The following SPATA33 variants were observed in gnomAD, a reference collection of about 807,000 sequenced individuals.
The protein encoded by SPATA33 is spermatogenesis-associated protein 33.
Under a neutral mutation model 8.9 loss-of-function variants are expected in SPATA33, and 10 were observed. That is an observed-to-expected ratio of 1.12 (90% CI 0.69 to 1.90). SPATA33 has a LOEUF of 1.90. Ranked by LOEUF, SPATA33 falls within the 40% of genes most tolerant of loss-of-function variation. SPATA33 has a pLI of 0.00. For missense variants in SPATA33, 241 were observed against 178.3 expected, an observed-to-expected ratio of 1.35 and a Z score of -2.00; for synonymous variants, 96 against 72.8, an observed-to-expected ratio of 1.32 and a Z score of -1.63.
At chr16:89,658,067 C>A (rs1403022131) in intron 1 of SPATA33, 119 bp downstream of exon 1, 5 of 1,464,926 alleles carry the variant, frequency 3.4e-6, no homozygotes, top group South Asian at 1.4e-5. Flanking sequence ...CGGTGCGAAC[C>A]GTTCCTGCCG....
In SPATA33 at chr16:89,658,065, A is replaced by G. The variant is rs1304503044; in HGVS notation, c.37+117A>G. ...AGGCGCCAGGCTCGGCCCGGTGCGA[A>G]CCGTTCCTGCCGCCGAGTCCGCCAC... On this transcript the variant is annotated intron_variant, in intron 1 of 2. Transcript: ENST00000579310. 8.9e-6 allele frequency: 13 copies of G among 1,464,074 alleles called. No individual in the cohort carries two copies. The African/African-American group carries it at 1.9e-4, about 21-fold the overall frequency. 90.7% of individuals were successfully genotyped at this position (1,464,074 alleles called of 1,614,324 possible).
At chr16:89,665,083 C>T (rs745459284) in intron 2 of SPATA33, among the ~76,000 whole-genome samples, 4 of 152,052 alleles carry the variant, frequency 2.6e-5, no homozygotes, top group African/African-American at 4.8e-5. Flanking sequence ...GCACTCTTGA[C>T]GTTCTGGGCT....
Position 89,669,476 on chromosome 16 carries a change from T to A in SPATA33, c.402T>A (p.Tyr134Ter). ...RHRNPSTADA[Y>*]NSHLKE ...GGAACCCCAGTACAGCAGACGCCTA[T>A]AATTCACATCTCAAAGAATAAACAA... The change falls in exon 3 of 3, where the codon TAT becomes TAA. Residue 134 changes from tyrosine to a stop codon, truncating the protein, a stop_gained. Transcript: ENST00000579310. LOFTEE classifies it high-confidence loss of function. 6.2e-7 allele frequency: 1 copy of A among 1,612,982 alleles called. No individual in the cohort carries two copies.
chr16:89,658,559 T>C (rs1294856944), intron 2 of SPATA33, 138 bp downstream of exon 2: 4 of 1,190,874 alleles, frequency 3.4e-6, no homozygotes, highest in Non-Finnish European at 4.6e-6. Flanking sequence ...TGGTTTGTTT[T>C]GGGAACTTTA....
chr16:89,661,265 G>C, intron 2 of SPATA33: 1 of 940,426 alleles, frequency 1.1e-6, no homozygotes, highest in Middle Eastern at 5.4e-4. Context: ...ACATGTGGGA[G>C]GAACTGGGTG....
intron 2 of SPATA33, chr16:89,667,888 C>T (rs1359533649): frequency 4.6e-5 from 7 of 152,282 alleles, no homozygotes; most frequent in Admixed American, 6.5e-5. Flanking sequence ...GTTTGACTAG[C>T]CTTGGGCAGA....
Position 89,658,269 on chromosome 16 carries a change from C to A in SPATA33, c.59C>A (p.Ser20Tyr), listed in dbSNP as rs141575450. ...TCAGGTGAGGAGCAAAAGAAGGGAT[C>A]CACCTATTCAGTTCCAAAATCTAAG... ...PRKGEEQKKG[S>Y]TYSVPKSKEK... The change falls in exon 2 of 3, where the codon TCC becomes TAC. Residue 20 changes from serine to tyrosine, a missense_variant. Physicochemically the swap from Ser to Tyr is moderately radical, Grantham distance 144. Coordinates refer to ENST00000579310, the MANE Select transcript of SPATA33 (RefSeq NM_001271907.2). 4 of 1,614,194 alleles carry A rather than the reference C, an allele frequency of 2.5e-6. No individual in the cohort carries two copies. The highest frequency in any genetic ancestry group is 3.4e-6 in the Non-Finnish European group (4 of 1,180,036).
intron 2 of SPATA33, among the ~76,000 whole-genome samples, chr16:89,668,590 C>T (rs1005200123): frequency 3.3e-5 from 5 of 150,980 alleles, no homozygotes; most frequent in Non-Finnish European, 7.4e-5. Flanking sequence ...GGCGGCTGTG[C>T]CCGAGCTCGT....
chr16:89,658,440 G>A lies in SPATA33; in HGVS notation c.211+19G>A. On this transcript the variant is annotated intron_variant, in intron 2 of 2. Coordinates refer to ENST00000579310, the MANE Select transcript of SPATA33 (RefSeq NM_001271907.2). Reference sequence around the variant, plus strand: ...CTGGAAGGTAGGAGACGGCGGGAGGGAGCGAAGCGAGGTCAGTGGCTTGGA... The same window carrying A: ...CTGGAAGGTAGGAGACGGCGGGAGGAAGCGAAGCGAGGTCAGTGGCTTGGA... 1.9e-6 allele frequency: 3 copies of A among 1,582,448 alleles called. No homozygotes were observed. Among genetic ancestry groups the A allele is most frequent in the South Asian group, 2.3e-5 (2 of 88,100 alleles).
intron 2 of SPATA33, chr16:89,661,005 G>C: frequency 3.0e-6 from 3 of 992,470 alleles, no homozygotes; most frequent in Non-Finnish European, 3.6e-6. Flanking sequence ...GTCTTCACAT[G>C]CCTCCAACTG....
chr16:89,669,204 T>A, intron 2 of SPATA33, 82 bp from the exon 3 acceptor site: 5 of 1,319,426 alleles, frequency 3.8e-6, no homozygotes, highest in Non-Finnish European at 4.4e-6. Context: ...ATTCCTTTAC[T>A]CTGACCAATG....
At chr16:89,659,282 A>C (rs1937022809) in intron 2 of SPATA33, 1 of 152,270 alleles carries the variant, frequency 6.6e-6, no homozygotes, top group East Asian at 1.9e-4. Context: ...TTGCAGTAGG[A>C]ATTGCAGAAG....
chr16:89,660,276 AG>A, intron 2 of SPATA33: 1 of 383,954 alleles, frequency 2.6e-6, no homozygotes, highest in Non-Finnish European at 4.6e-6. Flanking sequence ...TTTCCCAGGA[AG>A]GCTTCGCCTG....
rs749348730 is a variant in SPATA33, at chr16:89,669,528, C to G, written c.*31C>G. On this transcript the variant is annotated 3_prime_UTR_variant, in exon 3 of 3. Transcript: ENST00000579310. ...CACCTTTGCATGGCACTCGCTACTC[C>G]CTGCGATAGGCGTCTCGGGAACAGC... The G allele has an allele frequency of 7.5e-6, 12 of 1,600,396 alleles. No homozygotes were observed. Among genetic ancestry groups the G allele is most frequent in the Admixed American group, 1.7e-5 (1 of 59,704 alleles).
At chr16:89,660,185 G>C (rs71396951) in intron 2 of SPATA33, 11,808 of 230,974 alleles carry the variant, frequency 0.051, 407 homozygotes, top group Non-Finnish European at 0.073. Context: ...AGCCCCCGAT[G>C]AGTGTACAGC....
chr16:89,661,717 G>GA (rs914982406), intron 2 of SPATA33, among the ~76,000 whole-genome samples: 4 of 151,718 alleles, frequency 2.6e-5, no homozygotes, highest in East Asian at 1.9e-4. Flanking sequence ...TAAAGAACTT[G>GA]AAAAAAAAGG....
intron 2 of SPATA33, among the ~76,000 whole-genome samples, chr16:89,667,428 G>A (rs1488689508): frequency 6.6e-6 from 1 of 152,146 alleles, no homozygotes; most frequent in Non-Finnish European, 1.5e-5. Flanking sequence ...CTGTGATCTA[G>A]ATCTAGTATA....
rs200969086 is a variant in SPATA33 at position 89,669,365 on chromosome 16, G to C, written c.291G>C (p.Glu97Asp). Residue 97 changes from glutamate to aspartate, a missense_variant, in exon 3 of 3, where the codon GAG (glutamate) becomes GAC (aspartate). Transcript: ENST00000579310. ...TCATCATCACGCGAGCGTCGAATGA[G>C]ACGCTAGTCAGTTGCAGTTCCAGCG... The part of the protein sequence containing the change: ...PQIIITRASN[E>D]TLVSCSSSGS... The C allele has an allele frequency of 1.4e-5, 22 of 1,614,078 alleles. No homozygotes were observed. In the African/African-American group the frequency reaches 2.9e-4, roughly 22 times the overall value.
intron 2 of SPATA33, among the ~76,000 whole-genome samples, chr16:89,663,165 C>T (rs1197258356): frequency 2.0e-5 from 3 of 151,262 alleles, no homozygotes; most frequent in Non-Finnish European, 2.9e-5. Context: ...TGGAACACTT[C>T]TATTGGCTAT....
Sources: gnomAD v4.1 joint callset for allele counts (sites outside exome capture counted in the v4.1 genomes callset) on GRCh38, gnomAD v4.1.1 for gene constraint, MANE v1.5 for transcripts, NCBI Gene and HGNC (gene_info 2026-07-23, HGNC 2026-07-21) for gene names.